Variants in CABP5 observed in about 807,000 individuals in gnomAD.
CABP5 encodes calcium binding protein 5.
Under a neutral mutation model 21.9 loss-of-function variants are expected in CABP5, and 17 were observed. The observed-to-expected ratio is 0.78, with a 90% CI of 0.53 to 1.17. The LOEUF (loss-of-function observed/expected upper bound fraction) is 1.17. Among genes scored for constraint, CABP5 ranks in the 50% most tolerant of loss-of-function variants. CABP5 has a pLI of 0.00. For synonymous variants in CABP5, 85 were observed against 79.4 expected, an observed-to-expected ratio of 1.07 and a Z score of -0.37; for missense variants, 229 against 228.9, an observed-to-expected ratio of 1.00 and a Z score of 0.00.
chr19:48,035,573 G>T (rs547334062), intron 4 of CABP5, among the ~76,000 whole-genome samples: 1 of 152,100 alleles, frequency 6.6e-6, no homozygotes, highest in Non-Finnish European at 1.5e-5. Flanking sequence ...CTCCAGCCTG[G>T]GCAACAAGAG....
Position 48,040,613 on chromosome 19 carries a change from C to T in CABP5, c.230G>A (p.Arg77His), listed in dbSNP as rs536265470. 35 of 1,613,834 alleles carry T rather than the reference C, an allele frequency of 2.2e-5. No homozygotes were observed. Among genetic ancestry groups the T allele is most frequent in the South Asian group, 1.5e-4 (14 of 91,046 alleles). ...CCATTCCCTGGACTCACGGTTCATG[C>T]GGATTTGCTGGCCGAGCTCAATCAG... ...MELIELGQQI[R>H]MNLGGRVDFD... The change falls in exon 3 of 6, where the codon CGC (arginine) becomes CAC (histidine). Residue 77 changes from arginine (R) to histidine (H), a missense_variant. Physicochemically the swap from Arg to His is conservative, Grantham distance 29. Transcript: ENST00000293255.
intron 4 of CABP5, among the ~76,000 whole-genome samples, chr19:48,035,097 C>G (rs1262545195): frequency 1.3e-5 from 2 of 152,040 alleles, no homozygotes; most frequent in African/African-American, 4.8e-5. Context: ...AACTTTGTAC[C>G]CTTTGACAAG....
rs372027167 is a variant in CABP5, at chr19:48,034,354, C to A, written c.357G>T (p.Thr119=). Residue 119 remains threonine (T), a synonymous_variant, in exon 5 of 6, where the codon ACG becomes ACT. Transcript: ENST00000293255. ...CCAGGGTGATCTCCCCATCTCCATT[C>A]GTGTCAAACTGAATAGAAGCAGAAA... ...EMRDAFKEFD[T]NGDGEITLVE... is the part of the protein sequence containing the mutation. The A allele has an allele frequency of 6.4e-7, 1 of 1,557,662 alleles. No homozygotes were observed. The highest frequency in any genetic ancestry group is 8.7e-7 in the Non-Finnish European group (1 of 1,153,358).
intron 5 of CABP5, among the ~76,000 whole-genome samples, chr19:48,032,171 C>T (rs543439708): frequency 3.3e-5 from 5 of 151,902 alleles, no homozygotes; most frequent in Admixed American, 2.0e-4. Context: ...GGTAAGTGGA[C>T]GGAGCATCTG....
At chr19:48,040,287 C>A (rs1799042873) in intron 3 of CABP5, among the ~76,000 whole-genome samples, 2 of 152,116 alleles carry the variant, frequency 1.3e-5, no homozygotes, top group South Asian at 4.1e-4. Context: ...TTCCACAGTC[C>A]CATGAGGTAA....
rs573334004 is a variant in CABP5, at chr19:48,033,893, C to A, written c.496+322G>T. 9.9e-5 allele frequency among the ~76,000 whole-genome samples: 15 copies of A among 152,212 alleles called. No homozygotes were observed. In the South Asian group the frequency reaches 3.1e-3, roughly 32 times the overall value. ...CCAGTCCAGTCTCTTTCTGATGGGA[C>A]AAGTTCTTCCTAGGATAAAAGGTGC... On this transcript the variant is annotated intron_variant, in intron 5 of 5. Transcript: ENST00000293255.
intron 4 of CABP5, among the ~76,000 whole-genome samples, chr19:48,037,988 C>T (rs946704346): frequency 2.0e-5 from 3 of 152,182 alleles, no homozygotes; most frequent in Admixed American, 6.5e-5. Context: ...GATCTCAGCT[C>T]ACTGCAACCT....
chr19:48,037,557 T>C (rs1239605234), intron 4 of CABP5, among the ~76,000 whole-genome samples: 2 of 150,614 alleles, frequency 1.3e-5, no homozygotes, highest in African/African-American at 2.4e-5. Context: ...CATGAGCCAC[T>C]GCACCTGGCC....
At chr19:48,032,029 T>C (rs1057185239) in intron 5 of CABP5, among the ~76,000 whole-genome samples, 1 of 151,636 alleles carries the variant, frequency 6.6e-6, no homozygotes, top group African/African-American at 2.4e-5. Context: ...ATAACTTCCA[T>C]GGAGAGGAAC....
At chr19:48,041,234 C>A in intron 2 of CABP5, 3 of 360,334 alleles carry the variant, frequency 8.3e-6, no homozygotes, top group South Asian at 3.9e-5. Context: ...AATGTGTTAG[C>A]AAAAGAGGCA....
intron 3 of CABP5, among the ~76,000 whole-genome samples, chr19:48,040,228 G>A (rs1366277143): frequency 3.9e-5 from 6 of 152,234 alleles, no homozygotes; most frequent in Middle Eastern, 3.4e-3. Flanking sequence ...ATTTACTGGA[G>A]GCTAAGACTT....
At position 48,039,783 on chromosome 19, in the gene CABP5, G is replaced by A. The variant is rs180715952; in HGVS notation, c.239-466C>T. Among the ~76,000 whole-genome samples, 408 of 123,168 alleles carry A rather than the reference G, an allele frequency of 3.3e-3. 4 individuals carry two copies. The highest frequency in any genetic ancestry group is 5.0e-3 in the Admixed American group (44 of 8,740). The allele number at this position is 123,168 out of a possible 152,430, so 80.8% of individuals were successfully genotyped here. On this transcript the variant is annotated intron_variant, in intron 3 of 5. Transcript: ENST00000293255. ...GGCTGGAGTGCAATGGTGCGATCTCGGCTCACTGCAACCTCTGCCTCCCGG... is the reference window on the plus strand; with the variant it reads ...GGCTGGAGTGCAATGGTGCGATCTCAGCTCACTGCAACCTCTGCCTCCCGG...
In CABP5 at chr19:48,029,794, C is replaced by CAGAGAGAGAGAGAGAGAG. The variant is rs1404400701; in HGVS notation, c.*762_*763insCTCTCTCTCTCTCTCTCT. ...ATGTGGGAGGGGAGACAGAGACAGA[C>CAGAGAGAGAGAGAGAGAG]AGACAGAGAGAGAGAGAGAGAGAGA... On this transcript the variant is annotated 3_prime_UTR_variant, in exon 6 of 6. Transcript: ENST00000293255. 8.6e-3 allele frequency among the ~76,000 whole-genome samples: 735 copies of CAGAGAGAGAGAGAGAGAG among 85,168 alleles called. 6 individuals are homozygous for CAGAGAGAGAGAGAGAGAG. The highest frequency in any genetic ancestry group is 0.014 in the Non-Finnish European group (544 of 37,904). 55.9% of individuals were successfully genotyped at this position (85,168 alleles called of 152,430 possible).
intron 4 of CABP5, among the ~76,000 whole-genome samples, chr19:48,035,573 G>C (rs547334062): frequency 5.8e-4 from 88 of 152,218 alleles, no homozygotes; most frequent in African/African-American, 2.1e-3. Flanking sequence ...CTCCAGCCTG[G>C]GCAACAAGAG....
chr19:48,038,920 T>C (rs748862036), intron 4 of CABP5, among the ~76,000 whole-genome samples: 24 of 152,306 alleles, frequency 1.6e-4, no homozygotes, highest in Middle Eastern at 3.4e-3. Context: ...ATCTGTTTAA[T>C]TGGGATACAT....
At chr19:48,034,176 TG>T (rs745899429) in intron 5 of CABP5, 38 bp downstream of exon 5, 2 of 1,483,086 alleles carry the variant, frequency 1.3e-6, no homozygotes, top group Non-Finnish European at 1.8e-6. Flanking sequence ...ATTCCTGCGG[TG>T]GCTGCCCCCG....
chr19:48,043,886 T>C lies in CABP5; in HGVS notation c.37A>G (p.Arg13Gly). 1.3e-6 allele frequency: 2 copies of C among 1,495,598 alleles called. No individual in the cohort carries two copies. The highest frequency in any genetic ancestry group is 1.8e-6 in the Non-Finnish European group (2 of 1,127,884). 92.6% of individuals were successfully genotyped at this position (1,495,598 alleles called of 1,614,324 possible). ...FPMGPACIFL[R>G]KGIAEKQRER... ...CGCTGTTTCTCAGCAATGCCTTTCC[T>C]CAAGAAGATGCAGGCGGGGCCCATG... The change falls in exon 1 of 6, where the codon AGG becomes GGG. Residue 13 changes from arginine to glycine, a missense_variant. Coordinates refer to ENST00000293255, the MANE Select transcript of CABP5 (RefSeq NM_019855.5).
Position 48,029,729 on chromosome 19 carries a change from G to A in CABP5, c.*828C>T, listed in dbSNP as rs967687699. 1.3e-5 allele frequency among the ~76,000 whole-genome samples: 2 copies of A among 151,280 alleles called. No homozygotes were observed. The highest frequency in any genetic ancestry group is 2.1e-4 in the South Asian group (1 of 4,788). On this transcript the variant is annotated 3_prime_UTR_variant, in exon 6 of 6. Transcript: ENST00000293255. ...TAAACCTTGATAATCCAGATTTGTG[G>A]TTTAATTCAGTCCCCTGAGTATCTT...
chr19:48,043,307 G>A (rs962220130), intron 1 of CABP5, among the ~76,000 whole-genome samples: 9 of 151,434 alleles, frequency 5.9e-5, no homozygotes, highest in Admixed American at 4.0e-4. Context: ...ATACTTGGCC[G>A]ACCCTGCCAC....
Sources: gnomAD v4.1 joint callset for allele counts (sites outside exome capture counted in the v4.1 genomes callset) on GRCh38, gnomAD v4.1.1 for gene constraint, MANE v1.5 for transcripts, NCBI Gene and HGNC (gene_info 2026-07-23, HGNC 2026-07-21) for gene names.